The following OPCML variants were observed in gnomAD, a reference collection of about 807,000 sequenced individuals.
The protein encoded by OPCML is opioid-binding protein/cell adhesion molecule.
A neutral mutation model predicts 37.8 loss-of-function variants in OPCML; 13 were observed. That is an observed-to-expected ratio of 0.34 (90% confidence interval 0.22 to 0.55). OPCML has a LOEUF of 0.55. Ranked by LOEUF, OPCML falls within the 20% of genes least tolerant of loss-of-function variation. The pLI is 0.91. For synonymous variants in OPCML, 176 were observed against 168.8 expected (o/e 1.04, Z -0.33); for missense variants, 341 against 435.6 (o/e 0.78, Z 1.93).
At chr11:133,400,158 C>G (rs1945371829) in intron 1 of OPCML, among the ~76,000 whole-genome samples, 1 of 152,136 alleles carries the variant, frequency 6.6e-6, no homozygotes, top group South Asian at 2.1e-4. Flanking sequence ...AAATGCCCAG[C>G]AGGAGGGAAA....
intron 4 of OPCML, among the ~76,000 whole-genome samples, chr11:132,441,165 G>GTTTT (rs68143578): frequency 2.3e-4 from 17 of 72,390 alleles, no homozygotes; most frequent in Non-Finnish European, 3.0e-4. Flanking sequence ...GGACTTTTTT[G>GTTTT]TTTTTTTTTT....
At chr11:132,538,859 G>T (rs1387294069) in intron 3 of OPCML, among the ~76,000 whole-genome samples, 1 of 151,940 alleles carries the variant, frequency 6.6e-6, no homozygotes, top group East Asian at 1.9e-4. Flanking sequence ...CCACACTTTT[G>T]CATGTGCTGT....
chr11:133,454,483 T>A (rs1314109350), intron 1 of OPCML, among the ~76,000 whole-genome samples: 1 of 152,190 alleles, frequency 6.6e-6, no homozygotes, highest in Non-Finnish European at 1.5e-5. Context: ...GGATCAATAT[T>A]TATTGAGCAT....
intron 2 of OPCML, among the ~76,000 whole-genome samples, chr11:132,884,820 C>A (rs952415303): frequency 6.6e-6 from 1 of 152,164 alleles, no homozygotes; most frequent in Non-Finnish European, 1.5e-5. Flanking sequence ...CTCAAAGAAG[C>A]TATTTCACAG....
chr11:133,525,636 T>C (rs1591599645), intron 1 of OPCML, among the ~76,000 whole-genome samples: 1 of 152,164 alleles, frequency 6.6e-6, no homozygotes, highest in Admixed American at 6.5e-5. Flanking sequence ...CCATAAGGAA[T>C]GAGACCACTG....
chr11:132,981,128 C>T (rs570760775), intron 1 of OPCML, among the ~76,000 whole-genome samples: 2 of 152,326 alleles, frequency 1.3e-5, no homozygotes, highest in South Asian at 2.1e-4. Flanking sequence ...ATCATTGATC[C>T]AAACGTCGTT....
intron 1 of OPCML, among the ~76,000 whole-genome samples, chr11:133,099,757 T>C (rs1322225981): frequency 6.6e-6 from 1 of 152,182 alleles, no homozygotes; most frequent in Non-Finnish European, 1.5e-5. Context: ...CCATTTTTAA[T>C]GGGGTTATTT....
rs1592103031 is a variant in OPCML, at chr11:133,206,386, A to G, written c.62-263376T>C. 6.6e-6 allele frequency among the ~76,000 whole-genome samples: 1 copy of G among 152,226 alleles called. No individual in the cohort carries two copies. The highest frequency in any genetic ancestry group is 2.4e-5 in the African/African-American group (1 of 41,448). On this transcript the variant is annotated intron_variant, in intron 1 of 7. Transcript: ENST00000524381. The surrounding 1 kb of genome is among the most constrained non-coding windows in gnomAD (Gnocchi z 4.7). ...AGCAATGAAACATTTAGGAAACTGC[A>G]TAACTTCTGGAGTCCTCAGTTTCCT... is the stretch of plus-strand genomic sequence containing the variant.
At position 133,191,413 on chromosome 11, in the gene OPCML, A is replaced by G. The variant is rs79804954; in HGVS notation, c.62-248403T>C. On this transcript the variant is annotated intron_variant, in intron 1 of 7. Coordinates refer to ENST00000524381, the MANE Select transcript of OPCML (RefSeq NM_001012393.5). ...ATTTAGAATGTTCAATGTATATTTC[A>G]ACACATTATAAATCATTAGAACAAA... Among the ~76,000 whole-genome samples the G allele has an allele frequency of 5.8e-3, 888 of 152,234 alleles. 5 individuals carry two copies. The highest frequency in any genetic ancestry group is 0.02 in the African/African-American group (838 of 41,526).
intron 2 of OPCML, among the ~76,000 whole-genome samples, chr11:132,903,172 C>CA (rs1944122610): frequency 6.6e-6 from 1 of 151,752 alleles, no homozygotes; most frequent in African/African-American, 2.4e-5. Flanking sequence ...TTTGTTATGG[C>CA]ATTTTTTTCC....
At chr11:132,588,682 T>C (rs1176247997) in intron 3 of OPCML, among the ~76,000 whole-genome samples, 1 of 152,152 alleles carries the variant, frequency 6.6e-6, no homozygotes, top group African/African-American at 2.4e-5. Context: ...ATGTAGGACT[T>C]CCATGTGTAA....
At chr11:132,820,154 C>T (rs1168992289) in intron 2 of OPCML, among the ~76,000 whole-genome samples, 1 of 152,116 alleles carries the variant, frequency 6.6e-6, no homozygotes, top group East Asian at 1.9e-4. Context: ...TTTGAATCTC[C>T]TTCCTGCCGT....
intron 2 of OPCML, among the ~76,000 whole-genome samples, chr11:132,855,876 C>T (rs914492021): frequency 2.6e-5 from 4 of 152,212 alleles, no homozygotes; most frequent in Non-Finnish European, 5.9e-5. Context: ...GACACCTGTG[C>T]TGACAAGATC....
At chr11:133,298,358 A>G (rs1942681400) in intron 1 of OPCML, 1 of 152,232 alleles carries the variant, frequency 6.6e-6, no homozygotes, top group Non-Finnish European at 1.5e-5. Flanking sequence ...AAGACAGAAA[A>G]TGGTAAAAAT....
intron 7 of OPCML, among the ~76,000 whole-genome samples, chr11:132,425,870 C>A (rs1275558669): frequency 6.6e-6 from 1 of 152,150 alleles, no homozygotes; most frequent in Non-Finnish European, 1.5e-5. Context: ...TGGGCAAATG[C>A]CACATTTAAG....
intron 1 of OPCML, among the ~76,000 whole-genome samples, chr11:133,393,741 A>G (rs967726595): frequency 3.9e-5 from 6 of 152,082 alleles, no homozygotes; most frequent in African/African-American, 1.4e-4. Context: ...TCTTCAGGGT[A>G]TTTTTACTTC....
At chr11:133,074,707 T>G (rs1007251187) in intron 1 of OPCML, among the ~76,000 whole-genome samples, 1 of 152,176 alleles carries the variant, frequency 6.6e-6, no homozygotes, top group Non-Finnish European at 1.5e-5. Flanking sequence ...CTTGTTAATA[T>G]AATTTTTTAT....
chr11:133,323,564 TG>T (rs1943383658), intron 1 of OPCML, among the ~76,000 whole-genome samples: 1 of 152,136 alleles, frequency 6.6e-6, no homozygotes, highest in African/African-American at 2.4e-5. Context: ...ATGCTATTGG[TG>T]GTGTTCAGTC....
At chr11:133,523,436 G>A (rs899740956) in intron 1 of OPCML, among the ~76,000 whole-genome samples, 3 of 152,052 alleles carry the variant, frequency 2.0e-5, no homozygotes, top group African/African-American at 2.4e-5. Context: ...AAGTGCATTC[G>A]TGTCTCCATT....
Sources: allele counts gnomAD v4.1 joint callset (sites outside exome capture counted in the v4.1 genomes callset), GRCh38; gene constraint gnomAD v4.1.1; non-coding constraint Gnocchi (gnomAD v3.1); transcripts MANE v1.5; gene names NCBI Gene and HGNC (gene_info 2026-07-23, HGNC 2026-07-21).